TRABD2B: variants seen among roughly 807,000 people sequenced by gnomAD.
TRABD2B encodes the protein TraB domain containing 2B.
Under a neutral mutation model 40.1 loss-of-function variants are expected in TRABD2B, and 14 were observed. The observed-to-expected ratio is 0.35, with a 90% CI of 0.23 to 0.55. The LOEUF (loss-of-function observed/expected upper bound fraction) is 0.55. TRABD2B is among the 20% of genes least tolerant of loss of function. The pLI is 0.90. For synonymous variants in TRABD2B, 263 were observed against 277.0 expected (o/e 0.95, Z 0.50); for missense variants, 541 against 648.6 (o/e 0.83, Z 1.80).
At chr1:47,815,539 G>A (rs1269366847) in intron 2 of TRABD2B, among the ~76,000 whole-genome samples, 2 of 152,154 alleles carry the variant, frequency 1.3e-5, no homozygotes. Flanking sequence ...CAGAAACAGG[G>A]GTCCCTGCTG....
intron 2 of TRABD2B, among the ~76,000 whole-genome samples, chr1:47,921,025 A>G (rs1644894780): frequency 6.6e-6 from 1 of 152,240 alleles, no homozygotes; most frequent in Non-Finnish European, 1.5e-5. Flanking sequence ...AAAGGAATTT[A>G]GAAACACCTT....
chr1:47,956,734 C>T (rs1645428832), intron 2 of TRABD2B, among the ~76,000 whole-genome samples: 1 of 152,264 alleles, frequency 6.6e-6, no homozygotes, highest in South Asian at 2.1e-4. Flanking sequence ...GAGCCCACCA[C>T]AGCTCAAGGA....
intron 6 of TRABD2B, among the ~76,000 whole-genome samples, chr1:47,773,729 G>C (rs574205998): frequency 2.0e-5 from 3 of 152,170 alleles, no homozygotes; most frequent in Non-Finnish European, 4.4e-5. Flanking sequence ...ACCCAGTCTC[G>C]GGTATGTCTT....
chr1:47,905,519 C>G (rs1644664217), intron 2 of TRABD2B, among the ~76,000 whole-genome samples: 1 of 152,206 alleles, frequency 6.6e-6, no homozygotes, highest in African/African-American at 2.4e-5. Flanking sequence ...CCTACATCTA[C>G]ATGGTTCCCT....
chr1:47,893,139 C>G (rs1644472178), intron 2 of TRABD2B, among the ~76,000 whole-genome samples: 1 of 152,118 alleles, frequency 6.6e-6, no homozygotes. Flanking sequence ...GTTTCATCTC[C>G]CCTGGGTTAC....
chr1:47,867,012 C>A (rs1018891712), intron 2 of TRABD2B, among the ~76,000 whole-genome samples: 1 of 152,310 alleles, frequency 6.6e-6, no homozygotes, highest in Non-Finnish European at 1.5e-5. Context: ...CTCAGCTATA[C>A]AAACTTCACA....
chr1:47,831,066 CT>C (rs1645241235), intron 2 of TRABD2B, among the ~76,000 whole-genome samples: 1 of 10,868 alleles, frequency 9.2e-5, no homozygotes, highest in Non-Finnish European at 1.1e-3. Context: ...TGATTCTGTC[CT>C]TGGTTGCCAC....
At chr1:47,991,638 T>C (rs1646012685) in intron 2 of TRABD2B, among the ~76,000 whole-genome samples, 1 of 152,144 alleles carries the variant, frequency 6.6e-6, no homozygotes, top group Non-Finnish European at 1.5e-5. Context: ...AATACAAAAA[T>C]TTTAAAAACA....
chr1:47,769,395 G>A (rs1644350090), intron 6 of TRABD2B, among the ~76,000 whole-genome samples: 1 of 152,142 alleles, frequency 6.6e-6, no homozygotes, highest in African/African-American at 2.4e-5. Context: ...CTCACAAGGT[G>A]CCCAAAGGCA....
At chr1:47,926,865 C>T (rs1311714206) in intron 2 of TRABD2B, among the ~76,000 whole-genome samples, 5 of 152,196 alleles carry the variant, frequency 3.3e-5, no homozygotes, top group Non-Finnish European at 5.9e-5. Flanking sequence ...ATAGTCTTTG[C>T]TAAGCGCTGA....
At chr1:47,905,696 T>TTC (rs530689511) in intron 2 of TRABD2B, among the ~76,000 whole-genome samples, 4 of 151,916 alleles carry the variant, frequency 2.6e-5, no homozygotes, top group Non-Finnish European at 5.9e-5. Context: ...CTCTGCCTCC[T>TTC]TCTCTCTCTC....
chr1:47,992,499 G>T (rs1476625750), intron 2 of TRABD2B, among the ~76,000 whole-genome samples: 1 of 152,176 alleles, frequency 6.6e-6, no homozygotes, highest in African/African-American at 2.4e-5. Context: ...TTGGTGCAAA[G>T]AGAGTGTTGA....
chr1:47,872,703 T>C (rs1416736366), intron 2 of TRABD2B, among the ~76,000 whole-genome samples: 1 of 152,072 alleles, frequency 6.6e-6, no homozygotes, highest in African/African-American at 2.4e-5. Flanking sequence ...TCCTTATACG[T>C]TATTTACCTT....
intron 2 of TRABD2B, among the ~76,000 whole-genome samples, chr1:47,885,505 A>G (rs535479222): frequency 4.6e-5 from 7 of 152,308 alleles, no homozygotes; most frequent in African/African-American, 1.4e-4. Flanking sequence ...CATCTTCTGA[A>G]TGAATGGATG....
intron 3 of TRABD2B, among the ~76,000 whole-genome samples, chr1:47,801,244 A>G (rs1644819001): frequency 6.6e-6 from 1 of 152,218 alleles, no homozygotes; most frequent in African/African-American, 2.4e-5. Flanking sequence ...CCAGAGCCAC[A>G]TAGATCTGGC....
chr1:47,911,336 C>A (rs1644760287), intron 2 of TRABD2B, among the ~76,000 whole-genome samples: 1 of 152,182 alleles, frequency 6.6e-6, no homozygotes, highest in South Asian at 2.1e-4. Context: ...AGACACCATG[C>A]CAAGACCAGT....
At chr1:47,785,926 G>A (rs373484742) in intron 4 of TRABD2B, among the ~76,000 whole-genome samples, 4 of 152,322 alleles carry the variant, frequency 2.6e-5, no homozygotes, top group African/African-American at 9.6e-5. Context: ...TTTTGCCACA[G>A]CGTCCCAGTT....
intron 2 of TRABD2B, among the ~76,000 whole-genome samples, chr1:47,841,253 G>A (rs979506035): frequency 6.6e-6 from 1 of 152,152 alleles, no homozygotes; most frequent in Non-Finnish European, 1.5e-5. Context: ...TCTCTTGCTA[G>A]AAAACTGGGT....
At chr1:47,862,366 CTAA>C (rs1415955853) in intron 2 of TRABD2B, among the ~76,000 whole-genome samples, 7 of 152,016 alleles carry the variant, frequency 4.6e-5, no homozygotes, top group Non-Finnish European at 8.8e-5. Context: ...ACTCCTGGAA[CTAA>C]TAAACAATTA....
Sources: allele counts gnomAD v4.1 joint callset (sites outside exome capture counted in the v4.1 genomes callset), GRCh38; gene constraint gnomAD v4.1.1; transcripts MANE v1.5; gene names NCBI Gene and HGNC (gene_info 2026-07-23, HGNC 2026-07-21).